WWC1: variants seen among roughly 807,000 people sequenced by gnomAD.
WWC1 encodes WW and C2 domain containing 1, also known as protein KIBRA.
WWC1 carries 55 observed loss-of-function variants against 138.4 expected under a neutral mutation model. The ratio of observed to expected loss-of-function variants is 0.40; its 90% CI spans 0.32 to 0.50. The LOEUF is 0.50. Ranked by LOEUF, WWC1 falls within the 20% of genes least tolerant of loss-of-function variation. The pLI is 0.72. For synonymous variants in WWC1, 524 were observed against 564.9 expected (o/e 0.93, Z 1.03); for missense variants, 1,226 against 1,420.4 (o/e 0.86, Z 2.20).
intron 15 of WWC1, among the ~76,000 whole-genome samples, chr5:168,439,823 G>A (rs1754593869): frequency 6.6e-6 from 1 of 152,100 alleles, no homozygotes; most frequent in Non-Finnish European, 1.5e-5. Flanking sequence ...CTTCCGTCGG[G>A]TTTCTGCCAT....
chr5:168,297,478 TAGCC>T (rs1261617209), intron 1 of WWC1, among the ~76,000 whole-genome samples: 3 of 151,854 alleles, frequency 2.0e-5, no homozygotes, highest in African/African-American at 7.3e-5. Context: ...AGTACAAAAT[TAGCC>T]AGGCATGGCG....
At position 168,313,907 on chromosome 5, in the gene WWC1, G is replaced by A. The variant is rs777469557; in HGVS notation, c.119+21636G>A. Among the ~76,000 whole-genome samples the A allele has an allele frequency of 5.9e-5, 9 of 152,300 alleles. No homozygotes were observed. In the East Asian group the frequency reaches 1.4e-3, roughly 23 times the overall value. The stretch of plus-strand genomic sequence containing the variant: ...CCATGTGAAATAAGAGATTGAAGCC[G>A]GGTGGGGCGATGGAGCTCAATTGAT... On this transcript the variant is annotated intron_variant, in intron 1 of 22. Coordinates refer to ENST00000265293, the MANE Select transcript of WWC1 (RefSeq NM_015238.3).
intron 18 of WWC1, among the ~76,000 whole-genome samples, chr5:168,455,026 A>G (rs1230900983): frequency 6.6e-6 from 1 of 152,162 alleles, no homozygotes; most frequent in East Asian, 1.9e-4. Flanking sequence ...AAGTTTTGGG[A>G]GTGTGACATC....
intron 1 of WWC1, among the ~76,000 whole-genome samples, chr5:168,360,703 ATTC>A (rs1284205730): frequency 2.0e-5 from 3 of 152,248 alleles, no homozygotes; most frequent in East Asian, 1.9e-4. Context: ...AGATCTCATC[ATTC>A]TTCTTCCAGT....
chr5:168,362,540 C>T (rs572872149), intron 1 of WWC1, among the ~76,000 whole-genome samples: 66 of 152,302 alleles, frequency 4.3e-4, no homozygotes, highest in African/African-American at 1.3e-3. Flanking sequence ...GTGCTAAGTC[C>T]GTTTTTAAAA....
At chr5:168,321,522 T>C (rs941557803) in intron 1 of WWC1, among the ~76,000 whole-genome samples, 1 of 150,736 alleles carries the variant, frequency 6.6e-6, no homozygotes, top group African/African-American at 2.4e-5. Flanking sequence ...CCTTCTCTCA[T>C]AGGGCAATAT....
At chr5:168,383,597 G>A (rs1426229445) in intron 2 of WWC1, among the ~76,000 whole-genome samples, 2 of 152,228 alleles carry the variant, frequency 1.3e-5, no homozygotes, top group African/African-American at 2.4e-5. Context: ...GACAGATGGG[G>A]TGCTGGGATT....
intron 5 of WWC1, among the ~76,000 whole-genome samples, chr5:168,400,545 A>C (rs1779230721): frequency 1.3e-5 from 2 of 152,250 alleles, no homozygotes; most frequent in Admixed American, 6.5e-5. Context: ...GTTTCCATGC[A>C]GGTGTGTTCC....
At chr5:168,412,761 G>A (rs999669629) in intron 8 of WWC1, among the ~76,000 whole-genome samples, 6 of 147,742 alleles carry the variant, frequency 4.1e-5, no homozygotes, top group Non-Finnish European at 5.9e-5. Flanking sequence ...TTTAAATATA[G>A]TATAACAACT....
chr5:168,296,307 G>T (rs1049628163), intron 1 of WWC1, among the ~76,000 whole-genome samples: 2 of 152,148 alleles, frequency 1.3e-5, no homozygotes, highest in Non-Finnish European at 2.9e-5. Flanking sequence ...GGCACACATG[G>T]CTGGAGAGGC....
At chr5:168,427,685 C>G (rs3733984) in intron 11 of WWC1, among the ~76,000 whole-genome samples, 77,431 of 149,354 alleles carry the variant, frequency 0.52, 20,815 homozygotes, top group East Asian at 0.84. Flanking sequence ...GGATTACAGT[C>G]GCTGACGCCT....
intron 8 of WWC1, among the ~76,000 whole-genome samples, chr5:168,410,852 A>G (rs571938828): frequency 8.5e-5 from 13 of 152,212 alleles, no homozygotes; most frequent in Non-Finnish European, 1.8e-4. Flanking sequence ...AGGTAAGACC[A>G]AGATATTTCA....
In WWC1 at chr5:168,464,912, T is replaced by C. The variant is rs142259233; in HGVS notation, c.3100T>C (p.Leu1034=). The C allele has an allele frequency of 1.9e-6, 3 of 1,614,006 alleles. No individual in the cohort carries two copies. In the African/African-American group the frequency reaches 4.0e-5, roughly 22 times the overall value. The part of the protein sequence containing the change: ...SHGEKELPQW[L]REDERFRLLL... The stretch of plus-strand genomic sequence containing the variant: ...CGGGGAGAAGGAGCTGCCACAGTGG[T>C]TGCGTGAGGACGAGCGTTTCCGCCT... Residue 1034 remains leucine (L), a synonymous_variant, in exon 21 of 23, where the codon TTG becomes CTG. Transcript: ENST00000265293.
intron 1 of WWC1, among the ~76,000 whole-genome samples, chr5:168,301,549 A>G (rs953530605): frequency 1.2e-4 from 18 of 151,652 alleles, no homozygotes; most frequent in Non-Finnish European, 1.3e-4. Context: ...GAGGCAGGAG[A>G]GTCGCTTGAA....
intron 9 of WWC1, among the ~76,000 whole-genome samples, chr5:168,419,901 G>C (rs1780956112): frequency 6.6e-6 from 1 of 152,188 alleles, no homozygotes; most frequent in African/African-American, 2.4e-5. Context: ...CAAACACAAG[G>C]ATTTGTCTCC....
intron 15 of WWC1, among the ~76,000 whole-genome samples, chr5:168,433,998 G>C (rs375241984): frequency 6.6e-6 from 1 of 152,248 alleles, no homozygotes; most frequent in Non-Finnish European, 1.5e-5. Context: ...GTCCACACAC[G>C]TCAGCGCCTC....
intron 3 of WWC1, among the ~76,000 whole-genome samples, chr5:168,393,702 A>G (rs986563236): frequency 2.0e-5 from 3 of 152,220 alleles, no homozygotes; most frequent in Admixed American, 1.3e-4. Context: ...AGACACACAG[A>G]GGAACACAAA....
At chr5:168,350,920 C>T (rs975302972) in intron 1 of WWC1, among the ~76,000 whole-genome samples, 2 of 151,870 alleles carry the variant, frequency 1.3e-5, no homozygotes, top group African/African-American at 2.4e-5. Context: ...CCGAGGCGGG[C>T]GGATCATTTG....
At chr5:168,439,415 G>A (rs1175357933) in intron 15 of WWC1, among the ~76,000 whole-genome samples, 4 of 151,444 alleles carry the variant, frequency 2.6e-5, no homozygotes, top group South Asian at 4.2e-4. Flanking sequence ...ACCTGAGATC[G>A]GGAGTTCGAG....
Sources: allele counts gnomAD v4.1 joint callset (sites outside exome capture counted in the v4.1 genomes callset), GRCh38; gene constraint gnomAD v4.1.1; transcripts MANE v1.5; gene names NCBI Gene and HGNC (gene_info 2026-07-23, HGNC 2026-07-21).